Variants in MICU2 observed in about 807,000 individuals in gnomAD.
The protein encoded by MICU2 is calcium uptake protein 2, mitochondrial.
A neutral mutation model predicts 60.4 loss-of-function variants in MICU2; 64 were observed. That is an observed-to-expected ratio of 1.06 (90% CI 0.87 to 1.31). The LOEUF is 1.31. Ranked by LOEUF, MICU2 falls within the 50% of genes most tolerant of loss-of-function variation. The pLI, the probability that MICU2 is intolerant of heterozygous loss-of-function variation, is 0.00. For synonymous variants in MICU2, 201 were observed against 175.0 expected, an observed-to-expected ratio of 1.15 and a Z score of -1.17; for missense variants, 569 against 531.0, an observed-to-expected ratio of 1.07 and a Z score of -0.70.
chr13:21,594,366 A>G (rs1888647987), intron 1 of MICU2, among the ~76,000 whole-genome samples: 1 of 152,226 alleles, frequency 6.6e-6, no homozygotes, highest in South Asian at 2.1e-4. Flanking sequence ...TGATTATTAA[A>G]AAGTCAGGAA....
intron 9 of MICU2, among the ~76,000 whole-genome samples, chr13:21,498,440 G>A (rs563800197): frequency 1.8e-3 from 237 of 131,762 alleles, no homozygotes; most frequent in Non-Finnish European, 2.7e-3. Flanking sequence ...GCGCAATGGC[G>A]CAATCTTGGC....
chr13:21,517,813 G>A lies in MICU2; in HGVS notation c.598-3395C>T, dbSNP rs953274910. On this transcript the variant is annotated intron_variant, in intron 6 of 11. Transcript: ENST00000382374. ...CACACACACACACGCGCGCGCGCGC[G>A]CACACGCGCTACATACTTAGGTTTA... Among the ~76,000 whole-genome samples, 298 of 142,228 alleles carry A rather than the reference G, an allele frequency of 2.1e-3. 3 individuals are homozygous for A. Among genetic ancestry groups the A allele is most frequent in the African/African-American group, 5.5e-3 (218 of 39,642 alleles). The allele number at this position is 142,228 out of a possible 152,430, so 93.3% of individuals were successfully genotyped here.
chr13:21,543,706 CAGA>C (rs1887338324), intron 2 of MICU2, among the ~76,000 whole-genome samples: 1 of 152,042 alleles, frequency 6.6e-6, no homozygotes, highest in African/African-American at 2.4e-5. Flanking sequence ...GCTCGTGGAT[CAGA>C]AGAATTAATA....
At chr13:21,552,056 T>C (rs1465206960) in intron 2 of MICU2, among the ~76,000 whole-genome samples, 4 of 152,088 alleles carry the variant, frequency 2.6e-5, no homozygotes, top group Admixed American at 2.6e-4. Context: ...ACCAACAGTG[T>C]AAAAGTGTTC....
In MICU2 at chr13:21,603,934, T is replaced by C. The variant is rs1414513865; in HGVS notation, c.210+5A>G. 6 of 1,612,302 alleles carry C rather than the reference T, an allele frequency of 3.7e-6. No homozygotes were observed. In the South Asian group the frequency reaches 4.4e-5, roughly 12 times the overall value. ...TGGGGCTAGCAGAAGGAGTTAGTCC[T>C]GTACCTGTGCGGAGACTGTAAAACT... On this transcript the variant is annotated splice_donor_5th_base_variant and intron_variant, in intron 1 of 11. Transcript: ENST00000382374.
intron 2 of MICU2, among the ~76,000 whole-genome samples, chr13:21,564,878 G>C (rs1262853555): frequency 1.3e-5 from 2 of 152,244 alleles, no homozygotes; most frequent in Admixed American, 1.3e-4. Flanking sequence ...GGCTCTTCAG[G>C]AGTTGTTATC....
intron 7 of MICU2, among the ~76,000 whole-genome samples, chr13:21,511,731 G>T (rs1886432662): frequency 6.6e-6 from 1 of 151,566 alleles, no homozygotes; most frequent in South Asian, 2.1e-4. Context: ...AACAATTAAT[G>T]AATTCTCCAT....
At chr13:21,545,479 G>A (rs777321530) in intron 2 of MICU2, among the ~76,000 whole-genome samples, 1 of 152,158 alleles carries the variant, frequency 6.6e-6, no homozygotes, top group African/African-American at 2.4e-5. Context: ...TTAGGAGTTC[G>A]AGACCAGCCT....
intron 1 of MICU2, 29 bp from the exon 2 acceptor site, chr13:21,566,973 A>AT: frequency 3.2e-6 from 5 of 1,574,462 alleles, no homozygotes; most frequent in Non-Finnish European, 4.3e-6. Flanking sequence ...GCAATTGAAG[A>AT]TTTTTTCAGT....
At chr13:21,573,152 G>A (rs557445155) in intron 1 of MICU2, among the ~76,000 whole-genome samples, 2 of 152,342 alleles carry the variant, frequency 1.3e-5, no homozygotes, top group Middle Eastern at 3.4e-3. Context: ...TGTGAGTGGA[G>A]ACGTAGTCTT....
intron 8 of MICU2, among the ~76,000 whole-genome samples, chr13:21,505,597 G>C (rs1020935547): frequency 2.0e-5 from 3 of 152,060 alleles, no homozygotes; most frequent in African/African-American, 7.2e-5. Context: ...AAAAAAATCA[G>C]AAAAGAAGTG....
In MICU2 at chr13:21,534,096, G is replaced by C. The variant is rs144690629; in HGVS notation, c.466+5206C>G. ...GACTGTCTAAAAAAAAAAAAAAAGAGTTGATGCATTATTTCTAAAATGTAT... is the reference window on the plus strand; with the variant it reads ...GACTGTCTAAAAAAAAAAAAAAAGACTTGATGCATTATTTCTAAAATGTAT... On this transcript the variant is annotated intron_variant, in intron 4 of 11. Coordinates refer to ENST00000382374, the MANE Select transcript of MICU2 (RefSeq NM_152726.3). Among the ~76,000 whole-genome samples the C allele has an allele frequency of 6.4e-3, 963 of 151,086 alleles. 17 individuals are homozygous for C. Among genetic ancestry groups the C allele is most frequent in the African/African-American group, 0.022 (911 of 41,292 alleles).
At chr13:21,576,052 A>G (rs1265087385) in intron 1 of MICU2, among the ~76,000 whole-genome samples, 1 of 152,252 alleles carries the variant, frequency 6.6e-6, no homozygotes, top group African/African-American at 2.4e-5. Flanking sequence ...ATGTTAGAGC[A>G]GAAGTATGAA....
chr13:21,579,188 G>T (rs1888290700), intron 1 of MICU2, among the ~76,000 whole-genome samples: 1 of 152,010 alleles, frequency 6.6e-6, no homozygotes, highest in African/African-American at 2.4e-5. Context: ...ACCAGCAAAG[G>T]TACTAAGATA....
At chr13:21,519,579 C>T (rs1886665228) in intron 6 of MICU2, among the ~76,000 whole-genome samples, 1 of 152,182 alleles carries the variant, frequency 6.6e-6, no homozygotes, top group South Asian at 2.1e-4. Flanking sequence ...TCCCTTTTCA[C>T]TCTATTTCTT....
intron 1 of MICU2, among the ~76,000 whole-genome samples, chr13:21,576,243 G>A (rs1311964269): frequency 1.3e-5 from 2 of 152,182 alleles, no homozygotes; most frequent in Admixed American, 1.3e-4. Context: ...AACAGGTCTG[G>A]TATCTTGATT....
chr13:21,582,953 G>A (rs760661015), intron 1 of MICU2: 6 of 162,944 alleles, frequency 3.7e-5, no homozygotes, highest in South Asian at 1.8e-4. Context: ...ATTTATATTC[G>A]AGTGCTATTT....
intron 1 of MICU2, among the ~76,000 whole-genome samples, chr13:21,598,431 T>C (rs1246641634): frequency 6.6e-6 from 1 of 152,132 alleles, no homozygotes; most frequent in Non-Finnish European, 1.5e-5. Context: ...AAAATAGTAA[T>C]GGTGCCAGGT....
intron 2 of MICU2, among the ~76,000 whole-genome samples, chr13:21,547,699 T>C (rs954492588): frequency 7.3e-5 from 11 of 151,260 alleles, no homozygotes; most frequent in African/African-American, 2.4e-4. Flanking sequence ...CTGTGCTAGG[T>C]TGGGAATATG....
Sources: gnomAD v4.1 joint callset for allele counts (sites outside exome capture counted in the v4.1 genomes callset) on GRCh38, gnomAD v4.1.1 for gene constraint, MANE v1.5 for transcripts, NCBI Gene and HGNC (gene_info 2026-07-23, HGNC 2026-07-21) for gene names.